The following GAPVD1 variants were observed in gnomAD, a reference collection of about 807,000 sequenced individuals.
GAPVD1 encodes GTPase-activating protein and VPS9 domain-containing protein 1.
A neutral mutation model predicts 155.5 loss-of-function variants in GAPVD1; 35 were observed. That is an observed-to-expected ratio of 0.23 (90% CI 0.17 to 0.30). GAPVD1 has a LOEUF of 0.30. GAPVD1 is among the 10% of genes least tolerant of loss of function. The pLI is 1.00. For synonymous variants in GAPVD1, 636 were observed against 619.7 expected (o/e 1.03, Z -0.39); for missense variants, 1,429 against 1,775.7 (o/e 0.80, Z 3.51).
At chr9:125,351,404 T>A (rs1369393219) in intron 23 of GAPVD1, among the ~76,000 whole-genome samples, 1 of 152,204 alleles carries the variant, frequency 6.6e-6, no homozygotes, top group Non-Finnish European at 1.5e-5. Context: ...CAATCATGCC[T>A]TCCCAACAGT....
chr9:125,268,587 C>T lies in GAPVD1; in HGVS notation c.-198-349C>T, dbSNP rs535832247. Among the ~76,000 whole-genome samples, 401 of 151,352 alleles carry T rather than the reference C, an allele frequency of 2.6e-3. 2 individuals are homozygous for T. The highest frequency in any genetic ancestry group is 4.2e-3 in the Non-Finnish European group (282 of 67,880). On this transcript the variant is annotated intron_variant, in intron 1 of 27. Coordinates refer to ENST00000297933, the MANE Select transcript of GAPVD1 (RefSeq NM_001282680.3). ...CTATCACAGCTCACTGCAGCCTCCACCTCCCTGTCTCAAGAGATTCCCCTG... is the reference window on the plus strand; with the variant it reads ...CTATCACAGCTCACTGCAGCCTCCATCTCCCTGTCTCAAGAGATTCCCCTG...
chr9:125,321,400 T>C (rs1364121203), intron 9 of GAPVD1, 33 bp from the exon 10 acceptor site: 3 of 1,569,404 alleles, frequency 1.9e-6, no homozygotes, highest in East Asian at 2.2e-5. Flanking sequence ...AATCTTTCCA[T>C]TGATAAACCA....
At chr9:125,312,319 C>T in intron 8 of GAPVD1, 133 bp from the exon 9 acceptor site, 3 of 589,834 alleles carry the variant, frequency 5.1e-6, no homozygotes, top group Non-Finnish European at 8.5e-6. Flanking sequence ...TTTGTTTTTT[C>T]TTATTTATAT....
intron 3 of GAPVD1, 118 bp downstream of exon 3, chr9:125,295,692 A>G (rs1458793020): frequency 6.6e-6 from 1 of 152,116 alleles, no homozygotes; most frequent in African/African-American, 2.4e-5. Flanking sequence ...TTAGCCTCCC[A>G]AAGTGCTGGG....
chr9:125,269,490 T>A (rs1351081591), intron 2 of GAPVD1, among the ~76,000 whole-genome samples: 1 of 151,970 alleles, frequency 6.6e-6, no homozygotes, highest in African/African-American at 2.4e-5. Context: ...TTTTAGTTTT[T>A]GTTCTTGTTT....
chr9:125,337,512 C>T lies in GAPVD1; in HGVS notation c.2798C>T (p.Ala933Val), dbSNP rs745776914. 1 of 1,614,162 alleles carries T rather than the reference C, an allele frequency of 6.2e-7. No individual in the cohort carries two copies. Among genetic ancestry groups the T allele is most frequent in the Non-Finnish European group, 8.5e-7 (1 of 1,179,970 alleles). ...GAAGAGCGAGAACTCCCTCCAGCTG[C>T]AGCCATTGGTGCTACTTCTTTGGTG... is the stretch of plus-strand genomic sequence containing the variant. The part of the protein sequence containing the change: ...GNEERELPPA[A>V]AIGATSLVAA... The change falls in exon 17 of 28, where the codon GCA becomes GTA. Residue 933 changes from alanine (A) to valine (V), a missense_variant. Physicochemically the swap from Ala to Val is moderately conservative, Grantham distance 64 (BLOSUM62 0). This residue lies in a region of GAPVD1 where 699 missense variants were observed against 826.0 expected (regional missense o/e 0.85). Coordinates refer to ENST00000297933, the MANE Select transcript of GAPVD1 (RefSeq NM_001282680.3).
At position 125,335,494 on chromosome 9, in the gene GAPVD1, G is replaced by T. The variant is rs1846778997; in HGVS notation, c.2429-1524G>T. On this transcript the variant is annotated intron_variant, in intron 15 of 27. Transcript: ENST00000297933. ...AGATCGAGACCATCCTGGCCAACATGGTGAAACCCCATCTCTACTAAAAAT... is the reference window on the plus strand; with the variant it reads ...AGATCGAGACCATCCTGGCCAACATTGTGAAACCCCATCTCTACTAAAAAT... Among the ~76,000 whole-genome samples, 6 of 151,948 alleles carry T rather than the reference G, an allele frequency of 3.9e-5. No homozygotes were observed. The South Asian group carries it at 1.2e-3, about 31-fold the overall frequency.
In GAPVD1 at chr9:125,302,752, G is replaced by C. The variant is rs915667077; in HGVS notation, c.955G>C (p.Val319Leu). 1.9e-6 allele frequency: 3 copies of C among 1,614,106 alleles called. No homozygotes were observed. Among genetic ancestry groups the C allele is most frequent in the Non-Finnish European group, 2.5e-6 (3 of 1,179,996 alleles). The stretch of plus-strand genomic sequence containing the variant: ...GTTGGCCTGCTTCATTTGTCCTGCA[G>C]TTGTCAATCCAGAACAATATGGAAT... ...LLLACFICPA[V>L]VNPEQYGIIS... is the part of the protein sequence containing the mutation. The change falls in exon 5 of 28, where the codon GTT becomes CTT. Residue 319 changes from valine to leucine, a missense_variant. Val to Leu is a conservative substitution (Grantham distance 32). Coordinates refer to ENST00000297933, the MANE Select transcript of GAPVD1 (RefSeq NM_001282680.3).
chr9:125,268,522 C>G (rs1361136233), intron 1 of GAPVD1, among the ~76,000 whole-genome samples: 1 of 114,528 alleles, frequency 8.7e-6, no homozygotes, highest in Non-Finnish European at 1.7e-5. Flanking sequence ...TTTTTCGAGA[C>G]AAGGTCTTGG....
intron 13 of GAPVD1, 99 bp downstream of exon 13, chr9:125,330,317 CTT>C (rs374139001): frequency 0.017 from 8,346 of 496,694 alleles, no homozygotes; most frequent in South Asian, 0.027. Flanking sequence ...GTCAAATACA[CTT>C]TTTTTTTTTT....
intron 10 of GAPVD1, 105 bp downstream of exon 10, chr9:125,321,667 C>A: frequency 1.0e-6 from 1 of 982,514 alleles, no homozygotes; most frequent in Non-Finnish European, 1.5e-6. Context: ...GTGCTTCTCA[C>A]TGAGGAGACT....
rs747890761 is a variant in GAPVD1 at position 125,302,658 on chromosome 9, G to A, written c.861G>A (p.Met287Ile). 3.7e-6 allele frequency: 6 copies of A among 1,613,868 alleles called. No homozygotes were observed. The Admixed American group carries it at 1.0e-4, about 27-fold the overall frequency. ...PHSLRWIVSQ[M>I]YKTLSCVDRL... ...GTTTAAGGTGGATCGTGTCTCAGAT[G>A]TACAAAACCCTCTCCTGTGTAGATA... Residue 287 changes from methionine (M) to isoleucine (I), a missense_variant, in exon 5 of 28, where the codon ATG becomes ATA. Transcript: ENST00000297933.
At chr9:125,343,338 C>A (rs576517217) in intron 19 of GAPVD1, among the ~76,000 whole-genome samples, 2 of 151,972 alleles carry the variant, frequency 1.3e-5, no homozygotes, top group Non-Finnish European at 2.9e-5. Context: ...TCATTTCTCA[C>A]CTCTTTTTTT....
At chr9:125,284,122 C>G (rs887218000) in intron 2 of GAPVD1, among the ~76,000 whole-genome samples, 2 of 151,296 alleles carry the variant, frequency 1.3e-5, no homozygotes, top group Non-Finnish European at 2.9e-5. Flanking sequence ...GTGATCCACC[C>G]GCCTTGGCCT....
chr9:125,347,779 G>A (rs1020739678), intron 20 of GAPVD1, among the ~76,000 whole-genome samples: 1 of 151,912 alleles, frequency 6.6e-6, no homozygotes, highest in African/African-American at 2.4e-5. Context: ...ATGCTTATAT[G>A]CACGTAGAGT....
At chr9:125,264,910 G>A (rs1224434857) in intron 1 of GAPVD1, among the ~76,000 whole-genome samples, 2 of 151,996 alleles carry the variant, frequency 1.3e-5, no homozygotes, top group East Asian at 3.9e-4. Context: ...TAGAAACGGG[G>A]TTTCACCATG....
intron 20 of GAPVD1, 95 bp downstream of exon 20, chr9:125,347,036 A>G (rs1564448866): frequency 6.4e-6 from 8 of 1,247,426 alleles, no homozygotes; most frequent in Non-Finnish European, 9.1e-6. Flanking sequence ...AAGAATAGCT[A>G]AGGGAGTCAG....
chr9:125,264,428 C>G (rs1366001469), intron 1 of GAPVD1, among the ~76,000 whole-genome samples: 1 of 152,084 alleles, frequency 6.6e-6, no homozygotes, highest in Non-Finnish European at 1.5e-5. Context: ...GTCCTGACCT[C>G]AGGTGATCTG....
chr9:125,330,034 C>T (rs769875546), intron 12 of GAPVD1, 44 bp from the exon 13 acceptor site: 9 of 1,527,288 alleles, frequency 5.9e-6, no homozygotes, highest in South Asian at 1.3e-5. Flanking sequence ...CTGCACTTTC[C>T]TCCAGGATCT....
Sources: gnomAD v4.1 joint callset for allele counts (sites outside exome capture counted in the v4.1 genomes callset) on GRCh38, gnomAD v4.1.1 for gene constraint, gnomAD v4.1.1 regional missense constraint, MANE v1.5 for transcripts, NCBI Gene and HGNC (gene_info 2026-07-23, HGNC 2026-07-21) for gene names.